The following CDC25C variants were observed in gnomAD, a reference collection of about 807,000 sequenced individuals.
CDC25C encodes the protein M-phase inducer phosphatase 3.
Under a neutral mutation model 52.5 loss-of-function variants are expected in CDC25C, and 48 were observed. That is an observed-to-expected ratio of 0.91 (90% CI 0.72 to 1.16). The LOEUF (loss-of-function observed/expected upper bound fraction) is 1.16, where lower values mean the gene tolerates loss of function less well. CDC25C is among the 50% of genes most tolerant of loss of function. The probability of loss-of-function intolerance (pLI) is 0.00; values close to 1 mark genes in which losing one functional copy is unlikely to be tolerated. For missense variants in CDC25C, 510 were observed against 566.1 expected (o/e 0.90, Z 1.01); for synonymous variants, 187 against 206.5 (o/e 0.91, Z 0.81).
rs376209009 is a variant in CDC25C at position 138,286,071 on chromosome 5, T to C, written c.1223A>G (p.Glu408Gly). ...GTAGCCGCCTTTAAGGATATATAGC[T>C]CTGGGTAGTACAATGCAGGATACTG... ...LNQYPALYYP[E>G]LYILKGGYRD... Residue 408 changes from glutamate (E) to glycine (G), a missense_variant, in exon 13 of 14, where the codon GAG (glutamate) becomes GGG (glycine). Coordinates refer to ENST00000323760, the MANE Select transcript of CDC25C (RefSeq NM_001790.5). The C allele has an allele frequency of 1.2e-6, 2 of 1,613,990 alleles. No individual in the cohort carries two copies. Among genetic ancestry groups the C allele is most frequent in the Non-Finnish European group, 1.7e-6 (2 of 1,180,000 alleles).
At position 138,329,552 on chromosome 5, in the gene CDC25C, C is replaced by G. The variant is rs1163912699; in HGVS notation, c.289+1G>C. 1 of 1,584,600 alleles carries G rather than the reference C, an allele frequency of 6.3e-7. No homozygotes were observed. Among genetic ancestry groups the G allele is most frequent in the Non-Finnish European group, 8.7e-7 (1 of 1,153,714 alleles). On this transcript the variant is annotated splice_donor_variant, in intron 3 of 13. Coordinates refer to ENST00000323760, the MANE Select transcript of CDC25C (RefSeq NM_001790.5). LOFTEE classifies it high-confidence loss of function. Reference sequence around the variant, plus strand: ...GAGGCCTTTATCTCCCTTCTCCCTACCAGTTTCATCAAGGTCTGCAGAAGT... The same window carrying G: ...GAGGCCTTTATCTCCCTTCTCCCTAGCAGTTTCATCAAGGTCTGCAGAAGT...
At chr5:138,285,984 T>A (rs1385909458) in intron 13 of CDC25C, 38 bp downstream of exon 13, 2 of 1,557,930 alleles carry the variant, frequency 1.3e-6, no homozygotes, top group East Asian at 4.5e-5. Context: ...GGGAGTTGAG[T>A]TGTTAAAGTT....
chr5:138,307,806 A>G (rs533167778), intron 7 of CDC25C, among the ~76,000 whole-genome samples: 2 of 152,202 alleles, frequency 1.3e-5, no homozygotes, highest in African/African-American at 4.8e-5. Context: ...CCACTCTTCC[A>G]CCTAAACAAA....
intron 7 of CDC25C, among the ~76,000 whole-genome samples, chr5:138,294,254 C>T (rs1434295953): frequency 2.7e-5 from 4 of 149,750 alleles, no homozygotes; most frequent in South Asian, 4.2e-4. Flanking sequence ...TGCAGTGGCA[C>T]GATCTCGGCT....
intron 7 of CDC25C, among the ~76,000 whole-genome samples, chr5:138,300,375 G>A (rs1757540138): frequency 6.6e-6 from 1 of 152,110 alleles, no homozygotes; most frequent in African/African-American, 2.4e-5. Flanking sequence ...ACCAGCCTGG[G>A]CAACATGGTA....
chr5:138,298,962 G>A (rs148518023), intron 7 of CDC25C, among the ~76,000 whole-genome samples: 301 of 151,816 alleles, frequency 2.0e-3, no homozygotes, highest in African/African-American at 6.2e-3. Flanking sequence ...GGAGGCTGAG[G>A]CGGGCGGATC....
upstream of CDC25C, chr5:138,334,946 T>A (rs556251851): frequency 6.6e-6 from 1 of 152,288 alleles, no homozygotes; most frequent in South Asian, 2.1e-4. Context: ...GATTTGAAGA[T>A]TTACTTTTTC....
chr5:138,288,317 C>T (rs568806861), intron 10 of CDC25C, among the ~76,000 whole-genome samples: 1 of 152,116 alleles, frequency 6.6e-6, no homozygotes, highest in Non-Finnish European at 1.5e-5. Context: ...TCAGGTGATT[C>T]GCCTGCCTTG....
In CDC25C at chr5:138,325,882, G is replaced by A. The variant is rs551996075; in HGVS notation, c.392C>T (p.Pro131Leu). 48 of 1,613,930 alleles carry A rather than the reference G, an allele frequency of 3.0e-5. No homozygotes were observed. Among genetic ancestry groups the A allele is most frequent in the South Asian group, 1.9e-4 (17 of 91,064 alleles). ...TCTATGGCCACGGTCCAAACCATTC[G>A]GAGTGCTACAAAGAAGCTGTGCCTA... is the stretch of plus-strand genomic sequence containing the variant. The part of the protein sequence containing the change: ...CSPAQLLCST[P>L]NGLDRGHRKR... The change falls in exon 6 of 14, where the codon CCG becomes CTG. Residue 131 changes from proline to leucine, a missense_variant. Coordinates refer to ENST00000323760, the MANE Select transcript of CDC25C (RefSeq NM_001790.5).
At chr5:138,322,498 TG>T (rs1211392961) in intron 6 of CDC25C, among the ~76,000 whole-genome samples, 1 of 98,556 alleles carries the variant, frequency 1.0e-5, no homozygotes, top group Non-Finnish European at 2.1e-5. Flanking sequence ...TTTTTTGAGA[TG>T]GAGTCTCGCT....
chr5:138,290,408 GA>G (rs755394770), intron 9 of CDC25C, among the ~76,000 whole-genome samples: 35 of 152,192 alleles, frequency 2.3e-4, no homozygotes, highest in Non-Finnish European at 4.7e-4. Context: ...TTTTTAAACA[GA>G]AAAAAGGTAA....
At chr5:138,322,717 C>T (rs746272060) in intron 6 of CDC25C, among the ~76,000 whole-genome samples, 5 of 151,120 alleles carry the variant, frequency 3.3e-5, no homozygotes, top group South Asian at 2.1e-4. Flanking sequence ...CCTCGTGATC[C>T]GCCCACCTCG....
chr5:138,300,058 G>C (rs1757519340), intron 7 of CDC25C, among the ~76,000 whole-genome samples: 1 of 152,142 alleles, frequency 6.6e-6, no homozygotes, highest in Non-Finnish European at 1.5e-5. Flanking sequence ...AAACTAGCCA[G>C]GTGTAGTGGT....
chr5:138,308,117 C>T (rs908651689), intron 7 of CDC25C, among the ~76,000 whole-genome samples: 21 of 152,138 alleles, frequency 1.4e-4, no homozygotes, highest in Non-Finnish European at 4.4e-5. Context: ...TCCTACTGTG[C>T]GGCCCGGTTC....
At position 138,331,628 on chromosome 5, in the gene CDC25C, G is replaced by A. The variant is rs1175280705; in HGVS notation, c.-72C>T. On this transcript the variant is annotated 5_prime_UTR_variant, in exon 1 of 14. Coordinates refer to ENST00000323760, the MANE Select transcript of CDC25C (RefSeq NM_001790.5). ...TGGAGTCTGAGGCTTGCCTACAAGA[G>A]GAGAGAAAGTAGATAGGGATCGGAC... The A allele has an allele frequency of 7.9e-6, 8 of 1,007,572 alleles. No individual in the cohort carries two copies. The East Asian group carries it at 6.7e-4, about 84-fold the overall frequency. 62.4% of individuals were successfully genotyped at this position (1,007,572 alleles called of 1,614,324 possible). A position where few individuals can be genotyped will look rare whatever the true frequency, so the allele number is the denominator to read the frequency against.
intron 7 of CDC25C, among the ~76,000 whole-genome samples, chr5:138,313,157 C>T (rs545371851): frequency 1.3e-5 from 2 of 152,064 alleles, no homozygotes; most frequent in Admixed American, 6.6e-5. Flanking sequence ...GGGCAGATCA[C>T]CTGAGGTCAG....
chr5:138,335,659 A>G (rs1345756342), upstream of CDC25C, among the ~76,000 whole-genome samples: 1 of 152,186 alleles, frequency 6.6e-6, no homozygotes, highest in Non-Finnish European at 1.5e-5. Flanking sequence ...TGGAATAAGG[A>G]GATTTAATTA....
Position 138,285,505 on chromosome 5 carries a change from C to T in CDC25C, c.*187G>A. 1.6e-6 allele frequency: 1 copy of T among 636,524 alleles called. No homozygotes were observed. Among genetic ancestry groups the T allele is most frequent in the East Asian group, 2.6e-5 (1 of 38,172 alleles). The allele number at this position is 636,524 out of a possible 1,614,324, so 39.4% of individuals were successfully genotyped here. A position where few individuals can be genotyped will look rare whatever the true frequency, so the allele number is the denominator to read the frequency against. On this transcript the variant is annotated 3_prime_UTR_variant, in exon 14 of 14. Transcript: ENST00000323760. Reference sequence around the variant, plus strand: ...GCCTTATAGAGCCAGCTCCAGGACTCTGCCACCAGCTTTCAGCTCTGCTGA... The same window carrying T: ...GCCTTATAGAGCCAGCTCCAGGACTTTGCCACCAGCTTTCAGCTCTGCTGA...
At position 138,286,007 on chromosome 5, in the gene CDC25C, T is replaced by A. The variant is rs773041327; in HGVS notation, c.1272+15A>T. 3.1e-6 allele frequency: 5 copies of A among 1,597,242 alleles called. No homozygotes were observed. Among genetic ancestry groups the A allele is most frequent in the Non-Finnish European group, 4.3e-6 (5 of 1,165,558 alleles). ...AGTTGTTAAAGTTTGGCTCCCCGCA[T>A]GCCCCACCCTTTACCATATATTCTG... On this transcript the variant is annotated intron_variant, in intron 13 of 13. Coordinates refer to ENST00000323760, the MANE Select transcript of CDC25C (RefSeq NM_001790.5).
Sources: gnomAD v4.1 joint callset for allele counts (sites outside exome capture counted in the v4.1 genomes callset) on GRCh38, gnomAD v4.1.1 for gene constraint, MANE v1.5 for transcripts, NCBI Gene and HGNC (gene_info 2026-07-23, HGNC 2026-07-21) for gene names.